SIRPD: variants seen among roughly 807,000 people sequenced by gnomAD.
The protein encoded by SIRPD is signal-regulatory protein delta.
Under a neutral mutation model 18.0 loss-of-function variants are expected in SIRPD, and 21 were observed. The observed-to-expected ratio is 1.17, with a 90% CI of 0.83 to 1.68. The LOEUF (loss-of-function observed/expected upper bound fraction) is 1.68, where lower values mean the gene tolerates loss of function less well. SIRPD is among the 40% of genes most tolerant of loss of function. SIRPD has a pLI of 0.00. For missense variants in SIRPD, 295 were observed against 238.4 expected (o/e 1.24, Z -1.56); for synonymous variants, 106 against 92.9 (o/e 1.14, Z -0.81).
At chr20:1,555,958 T>C (rs1430336255) in intron 1 of SIRPD, among the ~76,000 whole-genome samples, 1 of 152,226 alleles carries the variant, frequency 6.6e-6, no homozygotes, top group East Asian at 1.9e-4. Context: ...ACTCAGGTTG[T>C]TGGCAGAATT....
At chr20:1,544,255 G>T (rs2090983894) in intron 2 of SIRPD, among the ~76,000 whole-genome samples, 1 of 152,128 alleles carries the variant, frequency 6.6e-6, no homozygotes, top group African/African-American at 2.4e-5. Flanking sequence ...AAATGTCTTT[G>T]TAGGTCTCTA....
chr20:1,551,668 T>G lies in SIRPD; in HGVS notation c.421+23A>C, dbSNP rs528800367. 36 of 1,560,722 alleles carry G rather than the reference T, an allele frequency of 2.3e-5. No individual in the cohort carries two copies. In the African/African-American group the frequency reaches 4.4e-4, roughly 19 times the overall value. On this transcript the variant is annotated intron_variant, in intron 2 of 3. Transcript: ENST00000381623. ...AGATGATATTATACACCAGGGGGTA[T>G]GGGGTATAGGAGACATACTCACCAG...
intron 1 of SIRPD, among the ~76,000 whole-genome samples, chr20:1,556,153 G>A (rs754416237): frequency 2.6e-5 from 4 of 152,182 alleles, no homozygotes; most frequent in African/African-American, 9.7e-5. Flanking sequence ...GGGAGACAGT[G>A]CATCACTTTG....
intron 2 of SIRPD, among the ~76,000 whole-genome samples, chr20:1,538,466 T>C (rs1321869625): frequency 6.6e-6 from 1 of 152,072 alleles, no homozygotes; most frequent in Non-Finnish European, 1.5e-5. Flanking sequence ...TGCAACAAGG[T>C]CCCTCTTCAC....
chr20:1,541,617 T>G lies in SIRPD; in HGVS notation c.422-4307A>C, dbSNP rs185504245. 4.3e-4 allele frequency among the ~76,000 whole-genome samples: 66 copies of G among 152,346 alleles called. No homozygotes were observed. The East Asian group carries it at 0.012, about 27-fold the overall frequency. The stretch of plus-strand genomic sequence containing the variant: ...TGTTCACTCTGATAATAGTTTCTTT[T>G]GCTGTGCAGAAGCTCTTTAGTTTAC... On this transcript the variant is annotated intron_variant, in intron 2 of 3. Transcript: ENST00000381623.
intron 2 of SIRPD, among the ~76,000 whole-genome samples, chr20:1,548,191 G>C (rs1003353004): frequency 2.6e-5 from 4 of 152,146 alleles, no homozygotes; most frequent in African/African-American, 9.7e-5. Flanking sequence ...CATTAATTGT[G>C]ACATTGGCTG....
At chr20:1,556,522 C>A (rs1256581280) in intron 1 of SIRPD, among the ~76,000 whole-genome samples, 1 of 152,120 alleles carries the variant, frequency 6.6e-6, no homozygotes, top group East Asian at 1.9e-4. Flanking sequence ...GAAGTCTTAA[C>A]CACAAGTAGC....
chr20:1,547,974 T>C (rs982424141), intron 2 of SIRPD, among the ~76,000 whole-genome samples: 1 of 152,208 alleles, frequency 6.6e-6, no homozygotes, highest in Non-Finnish European at 1.5e-5. Flanking sequence ...GTTTGAATAG[T>C]TTTTTAGTGG....
intron 2 of SIRPD, among the ~76,000 whole-genome samples, chr20:1,540,731 C>T (rs970489993): frequency 3.3e-5 from 5 of 152,154 alleles, no homozygotes; most frequent in African/African-American, 9.7e-5. Flanking sequence ...TGGTCATTTG[C>T]TGCACCCATC....
intron 2 of SIRPD, among the ~76,000 whole-genome samples, chr20:1,542,367 T>C (rs2090975967): frequency 1.3e-5 from 2 of 152,222 alleles, no homozygotes; most frequent in South Asian, 2.1e-4. Context: ...CCTTGTAAGT[T>C]GTATTCCTAG....
At chr20:1,535,169 C>T (rs759549140) in intron 3 of SIRPD, among the ~76,000 whole-genome samples, 34 of 152,058 alleles carry the variant, frequency 2.2e-4, no homozygotes, top group Admixed American at 5.9e-4. Context: ...AGAAAAGGGT[C>T]CCCAATTTAT....
At chr20:1,535,264 TGAAGA>T (rs1429752387) in intron 3 of SIRPD, among the ~76,000 whole-genome samples, 3 of 152,202 alleles carry the variant, frequency 2.0e-5, no homozygotes, top group South Asian at 2.1e-4. Context: ...AGCAGCACAG[TGAAGA>T]GGTCAAAGTA....
At chr20:1,543,115 A>T (rs1439610887) in intron 2 of SIRPD, among the ~76,000 whole-genome samples, 1 of 152,176 alleles carries the variant, frequency 6.6e-6, no homozygotes, top group African/African-American at 2.4e-5. Flanking sequence ...TGTCTCTGCC[A>T]GGTTTTGGTA....
chr20:1,551,637 C>A, intron 2 of SIRPD, 54 bp downstream of exon 2: 1 of 1,351,086 alleles, frequency 7.4e-7, no homozygotes, highest in Non-Finnish European at 1.0e-6. Flanking sequence ...GAAGACATAA[C>A]TGCTGAGATG....
intron 2 of SIRPD, among the ~76,000 whole-genome samples, chr20:1,538,899 C>T (rs2090959496): frequency 6.6e-6 from 1 of 152,114 alleles, no homozygotes; most frequent in Admixed American, 6.5e-5. Flanking sequence ...AATTCCTTAC[C>T]CACAGTGTCA....
At position 1,537,137 on chromosome 20, in the gene SIRPD, G is replaced by A; in HGVS notation, c.577+18C>T. ...AGAGCATCCCTGCATCATGGTACCT[G>A]AGGGTGGGGGCACTCACCTGTGAGT... is the stretch of plus-strand genomic sequence containing the variant. On this transcript the variant is annotated intron_variant, in intron 3 of 3. Transcript: ENST00000381623. The A allele has an allele frequency of 6.2e-7, 1 of 1,612,048 alleles. No individual in the cohort carries two copies. The highest frequency in any genetic ancestry group is 8.5e-7 in the Non-Finnish European group (1 of 1,178,706).
chr20:1,557,607 A>C lies in SIRPD; in HGVS notation c.47T>G (p.Leu16Arg). 6.3e-7 allele frequency: 1 copy of C among 1,599,980 alleles called. No homozygotes were observed. Among genetic ancestry groups the C allele is most frequent in the Non-Finnish European group, 8.5e-7 (1 of 1,173,096 alleles). Reference protein sequence around the residue: ...SPLHPPLPSLLLYLLLELAGV... With the variant: ...SPLHPPLPSLRLYLLLELAGV... ...TGCCAGTTCAAGCAGCAGATACAGC[A>C]GTAAGGAAGGCAGAGGTGGGTGGAG... Residue 16 changes from leucine to arginine, a missense_variant, in exon 1 of 4, where the codon CTG (leucine) becomes CGG (arginine). Physicochemically the swap from Leu to Arg is moderately radical, Grantham distance 102 (BLOSUM62 -2). Transcript: ENST00000381623.
At position 1,557,628 on chromosome 20, in the gene SIRPD, T is replaced by A. The variant is rs1161406154; in HGVS notation, c.26A>T (p.His9Leu). The A allele has an allele frequency of 6.2e-7, 1 of 1,607,798 alleles. No homozygotes were observed. The highest frequency in any genetic ancestry group is 2.3e-5 in the East Asian group (1 of 44,224). MPIPASPL[H>L]PPLPSLLLYL... ...CAGCAGTAAGGAAGGCAGAGGTGGG[T>A]GGAGTGGGGAGGCAGGGATGGGCAT... is the stretch of plus-strand genomic sequence containing the variant. Residue 9 changes from histidine (H) to leucine (L), a missense_variant, in exon 1 of 4, where the codon CAC becomes CTC. His to Leu is a moderately conservative substitution (Grantham distance 99, BLOSUM62 -3). Coordinates refer to ENST00000381623, the MANE Select transcript of SIRPD (RefSeq NM_178460.3).
chr20:1,554,339 T>C (rs1369571081), intron 1 of SIRPD: 2 of 152,600 alleles, frequency 1.3e-5, no homozygotes, highest in African/African-American at 4.8e-5. Flanking sequence ...CTGTCTTGGC[T>C]CAAGATGCTC....
Sources: allele counts gnomAD v4.1 joint callset (sites outside exome capture counted in the v4.1 genomes callset), GRCh38; gene constraint gnomAD v4.1.1; transcripts MANE v1.5; gene names NCBI Gene and HGNC (gene_info 2026-07-23, HGNC 2026-07-21).